The following CDH8 variants were observed in gnomAD, a reference collection of about 807,000 sequenced individuals.
CDH8 encodes cadherin 8.
A neutral mutation model predicts 68.1 loss-of-function variants in CDH8; 17 were observed. That is an observed-to-expected ratio of 0.25 (90% CI 0.17 to 0.37). The LOEUF is 0.37. CDH8 is among the 10% of genes least tolerant of loss of function. The pLI is 1.00. For synonymous variants in CDH8, 372 were observed against 365.1 expected (o/e 1.02, Z -0.21); for missense variants, 763 against 999.3 (o/e 0.76, Z 3.19).
rs1386943298 is a variant in CDH8 at position 61,836,052 on chromosome 16, G to A, written c.668-10873C>T. On this transcript the variant is annotated intron_variant, in intron 4 of 11. Coordinates refer to ENST00000577390, the MANE Select transcript of CDH8 (RefSeq NM_001796.5). ...CCGACATAATTCACAGAGTATAATA[G>A]GTACTCAAAACAAATTTTAATTGAA... 2.0e-5 allele frequency among the ~76,000 whole-genome samples: 3 copies of A among 151,924 alleles called. 1 individual carries two copies. Among genetic ancestry groups the A allele is most frequent in the Middle Eastern group, 6.8e-3 (2 of 292 alleles).
At chr16:61,905,370 A>AG (rs1344508189) in intron 2 of CDH8, among the ~76,000 whole-genome samples, 1 of 152,168 alleles carries the variant, frequency 6.6e-6, no homozygotes, top group Non-Finnish European at 1.5e-5. Context: ...CAGAAAATTT[A>AG]GGGGAAATAG....
At chr16:61,690,620 C>A (rs1043098740) in intron 10 of CDH8, among the ~76,000 whole-genome samples, 1 of 151,570 alleles carries the variant, frequency 6.6e-6, no homozygotes, top group African/African-American at 2.4e-5. Flanking sequence ...TGAAATAAAT[C>A]TCTCAGCTTT....
At chr16:61,884,339 G>C (rs79027597) in intron 3 of CDH8, among the ~76,000 whole-genome samples, 3 of 151,664 alleles carry the variant, frequency 2.0e-5, no homozygotes. Flanking sequence ...CAACTTCCAC[G>C]TGATGAATAG....
At position 61,650,357 on chromosome 16, in the gene CDH8, G is replaced by A. The variant is rs981517851; in HGVS notation, c.*3251C>T. ...CATCAGTTCCCTAGGTGGGAACCTTGAATTGTGAGGTAGGCAGAGGGAGAT... is the reference window on the plus strand; with the variant it reads ...CATCAGTTCCCTAGGTGGGAACCTTAAATTGTGAGGTAGGCAGAGGGAGAT... On this transcript the variant is annotated 3_prime_UTR_variant, in exon 12 of 12. Coordinates refer to ENST00000577390, the MANE Select transcript of CDH8 (RefSeq NM_001796.5). The A allele has an allele frequency of 5.9e-5, 9 of 152,072 alleles. No homozygotes were observed. The highest frequency in any genetic ancestry group is 2.2e-4 in the African/African-American group (9 of 41,420). The allele number at this position is 152,072 out of a possible 1,614,324, so 9.4% of individuals were successfully genotyped here.
intron 2 of CDH8, among the ~76,000 whole-genome samples, chr16:61,989,412 A>G (rs1965680079): frequency 6.6e-6 from 1 of 152,182 alleles, no homozygotes; most frequent in African/African-American, 2.4e-5. Context: ...AGAAAATGGT[A>G]AACTCTCAAG....
chr16:61,718,410 C>T (rs1959194572), intron 9 of CDH8, among the ~76,000 whole-genome samples: 1 of 151,376 alleles, frequency 6.6e-6, no homozygotes, highest in Non-Finnish European at 1.5e-5. Context: ...TAATGAACAG[C>T]ATGGTATCTT....
At chr16:62,032,934 T>C (rs1374903273) in intron 1 of CDH8, among the ~76,000 whole-genome samples, 3 of 152,212 alleles carry the variant, frequency 2.0e-5, no homozygotes, top group Admixed American at 1.3e-4. Context: ...GGGTTTGAAC[T>C]TTTTAATATG....
Position 61,652,162 on chromosome 16 carries a change from A to G in CDH8, c.*1446T>C, listed in dbSNP as rs1157773881. 1.0e-5 allele frequency: 10 copies of G among 981,932 alleles called. No individual in the cohort carries two copies. Among genetic ancestry groups the G allele is most frequent in the Non-Finnish European group, 1.2e-5 (10 of 826,896 alleles). 60.8% of individuals were successfully genotyped at this position (981,932 alleles called of 1,614,324 possible). On this transcript the variant is annotated 3_prime_UTR_variant, in exon 12 of 12. Coordinates refer to ENST00000577390, the MANE Select transcript of CDH8 (RefSeq NM_001796.5). ...ACTTGAGTTTTATCATACATTTTCT[A>G]CTCCTAAATGGCAGGTTTGCATTAC...
At chr16:62,024,411 T>G (rs1380068182) in intron 1 of CDH8, among the ~76,000 whole-genome samples, 1 of 152,172 alleles carries the variant, frequency 6.6e-6, no homozygotes, top group African/African-American at 2.4e-5. Flanking sequence ...GCAAGTATAC[T>G]CTGGCATCTG....
In CDH8 at chr16:61,650,827, C is replaced by T. The variant is rs1002835793; in HGVS notation, c.*2781G>A. Reference sequence around the variant, plus strand: ...ATCTTATTAGGATCAAGGTATTAGTCACTTTATTCTATGTTACAAGACCTG... The same window carrying T: ...ATCTTATTAGGATCAAGGTATTAGTTACTTTATTCTATGTTACAAGACCTG... On this transcript the variant is annotated 3_prime_UTR_variant, in exon 12 of 12. Transcript: ENST00000577390. 1 of 151,926 alleles carries T rather than the reference C, an allele frequency of 6.6e-6. No homozygotes were observed. The highest frequency in any genetic ancestry group is 6.6e-5 in the Admixed American group (1 of 15,212). 9.4% of individuals were successfully genotyped at this position (151,926 alleles called of 1,614,324 possible).
chr16:61,798,789 T>G (rs1327315371), intron 7 of CDH8, among the ~76,000 whole-genome samples: 1 of 152,226 alleles, frequency 6.6e-6, no homozygotes, highest in East Asian at 1.9e-4. Flanking sequence ...TCCTATAGTA[T>G]GTTTGTAACA....
chr16:61,925,547 C>T (rs1334691263), intron 2 of CDH8, among the ~76,000 whole-genome samples: 1 of 152,070 alleles, frequency 6.6e-6, no homozygotes, highest in Non-Finnish European at 1.5e-5. Flanking sequence ...AAGGAGTGTG[C>T]TATTACAATT....
rs371683902 is a variant in CDH8, at chr16:61,729,166, A to C, written c.1415-1951T>G. On this transcript the variant is annotated intron_variant, in intron 8 of 11. Coordinates refer to ENST00000577390, the MANE Select transcript of CDH8 (RefSeq NM_001796.5). ...AACCTGACACTTAAAATATTATATA[A>C]TTGTACCAAGATTACTAAGTTAAGC... 8.6e-5 allele frequency among the ~76,000 whole-genome samples: 13 copies of C among 151,292 alleles called. No individual in the cohort carries two copies. The East Asian group carries it at 2.3e-3, about 27-fold the overall frequency.
intron 10 of CDH8, among the ~76,000 whole-genome samples, chr16:61,666,793 T>A (rs1963688342): frequency 6.6e-6 from 1 of 152,032 alleles, no homozygotes; most frequent in South Asian, 2.1e-4. Context: ...TAAGTTCTTA[T>A]CACCGTGTTG....
intron 8 of CDH8, among the ~76,000 whole-genome samples, chr16:61,729,609 G>A (rs998228445): frequency 1.5e-4 from 23 of 151,000 alleles, no homozygotes; most frequent in African/African-American, 4.8e-4. Flanking sequence ...AAGAATTGCC[G>A]GTTATTCCTT....
Position 61,897,669 on chromosome 16 carries a change from A to G in CDH8, c.547+3510T>C, listed in dbSNP as rs1963893352. On this transcript the variant is annotated intron_variant, in intron 3 of 11. Transcript: ENST00000577390. ...GCAAAAATAACAGCTTCTCTGTTCA[A>G]TGTTTATTAACAATTAAGATAAAGT... Among the ~76,000 whole-genome samples the G allele has an allele frequency of 1.3e-5, 2 of 152,188 alleles. 1 individual carries two copies. The highest frequency in any genetic ancestry group is 4.1e-4 in the South Asian group (2 of 4,826).
At chr16:61,782,211 GGCGCAGGCCAGTGGGTGC>G in intron 8 of CDH8, among the ~76,000 whole-genome samples, 1 of 152,302 alleles carries the variant, frequency 6.6e-6, no homozygotes, top group South Asian at 2.1e-4. Context: ...CCAGACAGTG[GGCGCAGGCCAGTGGGTGC>G]GCGCACCGTC....
chr16:61,793,855 T>C (rs1321357773), intron 7 of CDH8, among the ~76,000 whole-genome samples: 1 of 152,086 alleles, frequency 6.6e-6, no homozygotes, highest in African/African-American at 2.4e-5. Flanking sequence ...GTTGAACTAA[T>C]TCATATTCCC....
At chr16:61,871,453 T>C (rs1183917127) in intron 3 of CDH8, among the ~76,000 whole-genome samples, 1 of 151,958 alleles carries the variant, frequency 6.6e-6, no homozygotes, top group Non-Finnish European at 1.5e-5. Flanking sequence ...TGTGAGCCAC[T>C]GTGCCCAGCC....
Sources: gnomAD v4.1 joint callset for allele counts (sites outside exome capture counted in the v4.1 genomes callset) on GRCh38, gnomAD v4.1.1 for gene constraint, MANE v1.5 for transcripts, NCBI Gene and HGNC (gene_info 2026-07-23, HGNC 2026-07-21) for gene names.